Variants in CIAPIN1 observed in about 807,000 individuals in gnomAD.
The protein encoded by CIAPIN1 is cytokine induced apoptosis inhibitor 1, also known as anamorsin.
Under a neutral mutation model 34.3 loss-of-function variants are expected in CIAPIN1, and 18 were observed. The observed-to-expected ratio is 0.52, with a 90% confidence interval of 0.36 to 0.78. The LOEUF is 0.78. Ranked by LOEUF, CIAPIN1 falls within the 30% of genes least tolerant of loss-of-function variation. The pLI is 0.00. For synonymous variants in CIAPIN1, 131 were observed against 140.4 expected, an observed-to-expected ratio of 0.93 and a Z score of 0.47; for missense variants, 310 against 372.5, an observed-to-expected ratio of 0.83 and a Z score of 1.38.
intron 6 of CIAPIN1, chr16:57,431,605 G>A: frequency 5.6e-6 from 1 of 177,662 alleles, no homozygotes; most frequent in South Asian, 1.8e-4. Flanking sequence ...GCAGAACAGA[G>A]AAAGAGAGAA....
At chr16:57,438,866 G>A (rs1165782665) in intron 3 of CIAPIN1, among the ~76,000 whole-genome samples, 2 of 152,156 alleles carry the variant, frequency 1.3e-5, no homozygotes, top group African/African-American at 4.8e-5. Flanking sequence ...CCAAGCTGAT[G>A]TACATATAGT....
intron 8 of CIAPIN1, 86 bp from the exon 9 acceptor site, chr16:57,429,366 G>T: frequency 1.2e-6 from 1 of 854,520 alleles, no homozygotes; most frequent in Non-Finnish European, 2.0e-6. Context: ...TCATAATGTG[G>T]CCACAGTGGC....
At chr16:57,433,624 T>C in intron 5 of CIAPIN1, 1 of 222,388 alleles carries the variant, frequency 4.5e-6, no homozygotes, top group Non-Finnish European at 9.0e-6. Flanking sequence ...CTTAGCATCC[T>C]CAAAGTAAGA....
chr16:57,446,091 A>G (rs1463322209), intron 1 of CIAPIN1, among the ~76,000 whole-genome samples: 1 of 151,974 alleles, frequency 6.6e-6, no homozygotes, highest in Non-Finnish European at 1.5e-5. Flanking sequence ...AGTGATCCAC[A>G]CGCCGCAGCC....
At position 57,440,810 on chromosome 16, in the gene CIAPIN1, C is replaced by G. The variant is rs762059992; in HGVS notation, c.119G>C (p.Gly40Ala). The change falls in exon 2 of 9, where the codon GGC becomes GCC. Residue 40 changes from glycine (G) to alanine (A), a missense_variant. Physicochemically the swap from Gly to Ala is moderately conservative, Grantham distance 60. Transcript: ENST00000394391. ...CTTGATGTTTTCCACAGACACGCGGCCCTCATTGCCGGTTAACGCTTGAAG... is the reference window on the plus strand; with the variant it reads ...CTTGATGTTTTCCACAGACACGCGGGCCTCATTGCCGGTTAACGCTTGAAG... ...DKLQALTGNE[G>A]RVSVENIKQL... 1 of 1,613,754 alleles carries G rather than the reference C, an allele frequency of 6.2e-7. No homozygotes were observed. The highest frequency in any genetic ancestry group is 1.1e-5 in the South Asian group (1 of 91,048).
intron 1 of CIAPIN1, among the ~76,000 whole-genome samples, chr16:57,445,618 GC>G (rs2030020874): frequency 6.6e-6 from 1 of 152,210 alleles, no homozygotes; most frequent in Non-Finnish European, 1.5e-5. Context: ...GGCCTAACCA[GC>G]CTGCTGTGCA....
chr16:57,440,308 A>G (rs1400430524), intron 2 of CIAPIN1, among the ~76,000 whole-genome samples: 1 of 152,090 alleles, frequency 6.6e-6, no homozygotes, highest in Non-Finnish European at 1.5e-5. Context: ...CTTTATTAGC[A>G]ATTTTAATTT....
At chr16:57,439,120 C>G in intron 3 of CIAPIN1, 62 bp downstream of exon 3, 1 of 1,553,512 alleles carries the variant, frequency 6.4e-7, no homozygotes, top group Non-Finnish European at 8.8e-7. Context: ...CACGGAGATG[C>G]AGCACACATA....
chr16:57,436,511 A>G, intron 4 of CIAPIN1, 145 bp downstream of exon 4: 2 of 445,406 alleles, frequency 4.5e-6, no homozygotes, highest in Admixed American at 3.7e-5. Context: ...TACAGACGTG[A>G]GCCACCACAC....
At chr16:57,433,511 A>G (rs1174799958) in intron 5 of CIAPIN1, 1 of 154,748 alleles carries the variant, frequency 6.5e-6, no homozygotes, top group African/African-American at 2.5e-5. Context: ...GATAGGAAGG[A>G]TGAGGATGGA....
chr16:57,444,297 T>A (rs1232452713), intron 1 of CIAPIN1, among the ~76,000 whole-genome samples: 1 of 152,212 alleles, frequency 6.6e-6, no homozygotes, highest in Non-Finnish European at 1.5e-5. Context: ...GCGAGGCTGC[T>A]GTAAGAAGCA....
intron 1 of CIAPIN1, among the ~76,000 whole-genome samples, chr16:57,445,834 GTTTTTTTTT>G (rs751037117): frequency 7.1e-5 from 5 of 70,492 alleles, no homozygotes; most frequent in Admixed American, 2.1e-4. Flanking sequence ...GACCTTAGAG[GTTTTTTTTT>G]TTTTTTTTTT....
In CIAPIN1 at chr16:57,436,732, T is replaced by G. The variant is rs201717110; in HGVS notation, c.311A>C (p.Asp104Ala). 30 of 1,613,124 alleles carry G rather than the reference T, an allele frequency of 1.9e-5. No homozygotes were observed. The highest frequency in any genetic ancestry group is 2.5e-5 in the Non-Finnish European group (30 of 1,179,386). The change falls in exon 4 of 9, where the codon GAT becomes GCT. Residue 104 changes from aspartate (D) to alanine (A), a missense_variant and splice_region_variant. Asp to Ala is a moderately radical substitution (Grantham distance 126, BLOSUM62 -2). Coordinates refer to ENST00000394391, the MANE Select transcript of CIAPIN1 (RefSeq NM_020313.4). ...FLKEPVETAVDNNSKVKTASK... is the reference protein window; with the variant it reads ...FLKEPVETAVANNSKVKTASK... ...TGCTGTCTTCACTTTGCTATTGTTA[T>G]CTGCCAAAAGGAAAATCCCAATTAA... is the stretch of plus-strand genomic sequence containing the variant.
rs181089661 is a variant in CIAPIN1, at chr16:57,436,523, C to T, written c.387+133G>A. ...GATTACAGACGTGAGCCACCACACC[C>T]GGCCGATTCTCCCAAGTTTTGTCCT... On this transcript the variant is annotated intron_variant, in intron 4 of 8. Coordinates refer to ENST00000394391, the MANE Select transcript of CIAPIN1 (RefSeq NM_020313.4). The T allele has an allele frequency of 1.4e-3, 795 of 564,810 alleles. No homozygotes were observed. Among genetic ancestry groups the T allele is most frequent in the Non-Finnish European group, 2.0e-3 (653 of 329,852 alleles). The allele number at this position is 564,810 out of a possible 1,614,324, so 35.0% of individuals were successfully genotyped here.
chr16:57,438,929 A>C (rs570657528), intron 3 of CIAPIN1, among the ~76,000 whole-genome samples: 1 of 152,368 alleles, frequency 6.6e-6, no homozygotes, highest in Non-Finnish European at 1.5e-5. Context: ...AACATATCAA[A>C]GTTTATTCAC....
intron 4 of CIAPIN1, among the ~76,000 whole-genome samples, chr16:57,434,516 T>C (rs1487335489): frequency 1.3e-4 from 20 of 152,182 alleles, no homozygotes; most frequent in African/African-American, 4.6e-4. Flanking sequence ...GAACCAGATG[T>C]GGTCCTACTG....
At chr16:57,441,920 G>A (rs1236046190) in intron 1 of CIAPIN1, among the ~76,000 whole-genome samples, 4 of 152,246 alleles carry the variant, frequency 2.6e-5, no homozygotes, top group Non-Finnish European at 5.9e-5. Context: ...ATTTGTGGTA[G>A]AGGAGTCAAA....
Position 57,428,388 on chromosome 16 carries a change from T to C in CIAPIN1, c.*782A>G, listed in dbSNP as rs2146551001. ...TCTAAATGCTCACCAACCTGGACTC[T>C]TCTAAAGTGGGCAGACAAGCCCTAT... On this transcript the variant is annotated 3_prime_UTR_variant, in exon 9 of 9. Coordinates refer to ENST00000394391, the MANE Select transcript of CIAPIN1 (RefSeq NM_020313.4). 1 of 152,302 alleles carries C rather than the reference T, an allele frequency of 6.6e-6. No individual in the cohort carries two copies. Among genetic ancestry groups the C allele is most frequent in the East Asian group, 1.9e-4 (1 of 5,188 alleles). The allele number at this position is 152,302 out of a possible 1,614,324, so 9.4% of individuals were successfully genotyped here. A position where few individuals can be genotyped will look rare whatever the true frequency, so the allele number is the denominator to read the frequency against.
chr16:57,440,645 A>T, intron 2 of CIAPIN1, 127 bp downstream of exon 2: 1 of 1,033,676 alleles, frequency 9.7e-7, no homozygotes, highest in Non-Finnish European at 1.4e-6. Context: ...GAAAAACAAC[A>T]GGGTGACCAG....
Sources: allele counts gnomAD v4.1 joint callset (sites outside exome capture counted in the v4.1 genomes callset), GRCh38; gene constraint gnomAD v4.1.1; transcripts MANE v1.5; gene names NCBI Gene and HGNC (gene_info 2026-07-23, HGNC 2026-07-21).